The following ASCC1 variants were observed in gnomAD, a reference collection of about 807,000 sequenced individuals.
ASCC1 encodes the protein activating signal cointegrator 1 complex subunit 1.
In ASCC1, 35 loss-of-function variants were observed where a neutral mutation model predicts 46.6. The observed-to-expected ratio is 0.75, with a 90% confidence interval of 0.57 to 0.99. ASCC1 has a LOEUF of 0.99. ASCC1 is among the 50% of genes least tolerant of loss of function. The pLI is 0.00. For synonymous variants in ASCC1, 143 were observed against 146.6 expected (o/e 0.98, Z 0.18); for missense variants, 376 against 428.7 (o/e 0.88, Z 1.09).
At chr10:72,130,361 C>A (rs1845445369) in intron 8 of ASCC1, among the ~76,000 whole-genome samples, 1 of 151,974 alleles carries the variant, frequency 6.6e-6, no homozygotes, top group Admixed American at 6.6e-5. Context: ...ATATATATAT[C>A]AAGAGAGTAA....
chr10:72,111,465 T>G (rs369537454), intron 9 of ASCC1, among the ~76,000 whole-genome samples: 26 of 152,150 alleles, frequency 1.7e-4, no homozygotes, highest in African/African-American at 5.3e-4. Flanking sequence ...CAGCCTTGGG[T>G]GACAGAGCAA....
intron 9 of ASCC1, among the ~76,000 whole-genome samples, chr10:72,114,686 C>A (rs1589211555): frequency 6.7e-6 from 1 of 150,150 alleles, no homozygotes; most frequent in Non-Finnish European, 1.5e-5. Context: ...AACAGAAATT[C>A]AATAGGATTG....
intron 7 of ASCC1, among the ~76,000 whole-genome samples, chr10:72,141,453 GA>G (rs1847007599): frequency 6.6e-6 from 1 of 152,054 alleles, no homozygotes; most frequent in Admixed American, 6.6e-5. Flanking sequence ...CTGTAATCGG[GA>G]TCTTCATATA....
rs192271646 is a variant in ASCC1 at position 72,205,390 on chromosome 10, G to A, written c.213-1866C>T. Among the ~76,000 whole-genome samples, 442 of 152,248 alleles carry A rather than the reference G, an allele frequency of 2.9e-3. 3 individuals carry two copies. The highest frequency in any genetic ancestry group is 0.022 in the South Asian group (104 of 4,820). ...CACACCTGTAATCCCAGCACTTTGCGAGGCCGAGGTGGGGGGGATCACCTG... is the reference window on the plus strand; with the variant it reads ...CACACCTGTAATCCCAGCACTTTGCAAGGCCGAGGTGGGGGGGATCACCTG... On this transcript the variant is annotated intron_variant, in intron 3 of 9. Coordinates refer to ENST00000672957, the MANE Select transcript of ASCC1 (RefSeq NM_001198800.3).
intron 5 of ASCC1, among the ~76,000 whole-genome samples, chr10:72,182,297 CCACT>C (rs2133045455): frequency 6.6e-6 from 1 of 152,268 alleles, no homozygotes; most frequent in African/African-American, 2.4e-5. Context: ...CATCCTTGCC[CCACT>C]CAATCTGTCC....
chr10:72,146,995 T>C (rs1057165896), intron 7 of ASCC1, among the ~76,000 whole-genome samples: 4 of 151,710 alleles, frequency 2.6e-5, no homozygotes, highest in African/African-American at 9.7e-5. Context: ...TGTATCAATT[T>C]GCACTGTCTT....
chr10:72,189,349 A>C (rs1357202871), intron 5 of ASCC1, among the ~76,000 whole-genome samples: 1 of 152,032 alleles, frequency 6.6e-6, no homozygotes, highest in Non-Finnish European at 1.5e-5. Context: ...CAGAGCTTGC[A>C]GTAAGCAGAG....
intron 3 of ASCC1, among the ~76,000 whole-genome samples, chr10:72,207,815 AT>A (rs34399551): frequency 0.45 from 65,512 of 146,218 alleles, 14,946 homozygotes; most frequent in Non-Finnish European, 0.53. Flanking sequence ...AAATCTTAGT[AT>A]TTTTTTTTTT....
intron 3 of ASCC1, among the ~76,000 whole-genome samples, chr10:72,205,252 T>G (rs563057744): frequency 2.6e-5 from 4 of 152,160 alleles, no homozygotes; most frequent in South Asian, 2.1e-4. Flanking sequence ...GGCAAATCAC[T>G]TGAGGTCAGG....
At chr10:72,135,984 C>T (rs1014883927) in intron 7 of ASCC1, among the ~76,000 whole-genome samples, 1 of 152,118 alleles carries the variant, frequency 6.6e-6, no homozygotes, top group African/African-American at 2.4e-5. Flanking sequence ...ACTTGGTAAG[C>T]CATAGGAAAC....
intron 5 of ASCC1, among the ~76,000 whole-genome samples, chr10:72,173,753 A>G (rs528311858): frequency 7.0e-6 from 1 of 143,226 alleles, no homozygotes; most frequent in Non-Finnish European, 1.5e-5. Flanking sequence ...TGCTCGGAAT[A>G]TATCATCATA....
chr10:72,178,397 A>G (rs1469623538), intron 5 of ASCC1, among the ~76,000 whole-genome samples: 6 of 152,176 alleles, frequency 3.9e-5, no homozygotes, highest in Admixed American at 3.3e-4. Context: ...CAATGAGACT[A>G]ATCTATACCC....
At chr10:72,150,116 C>G (rs972735411) in intron 7 of ASCC1, among the ~76,000 whole-genome samples, 2 of 151,658 alleles carry the variant, frequency 1.3e-5, no homozygotes, top group East Asian at 1.9e-4. Context: ...ACCTGGGAAG[C>G]AGATGTTGCA....
At chr10:72,178,280 G>C (rs1257191102) in intron 5 of ASCC1, among the ~76,000 whole-genome samples, 1 of 152,126 alleles carries the variant, frequency 6.6e-6, no homozygotes, top group Admixed American at 6.6e-5. Context: ...CTTTTACCCT[G>C]GTATAATCCA....
intron 5 of ASCC1, among the ~76,000 whole-genome samples, chr10:72,175,327 C>T (rs1201975369): frequency 5.9e-5 from 9 of 152,186 alleles, no homozygotes; most frequent in Admixed American, 5.9e-4. Flanking sequence ...AAGCTTCCCC[C>T]TCTTCCTTTT....
chr10:72,134,499 G>A (rs1318717780), intron 7 of ASCC1: 2 of 152,292 alleles, frequency 1.3e-5, no homozygotes, highest in Admixed American at 6.5e-5. Flanking sequence ...CCAAGTAAGA[G>A]TCCAATCCTT....
At chr10:72,211,522 G>A (rs1858106423) in intron 2 of ASCC1, among the ~76,000 whole-genome samples, 1 of 152,106 alleles carries the variant, frequency 6.6e-6, no homozygotes, top group African/African-American at 2.4e-5. Flanking sequence ...CCCGGGAGGT[G>A]AGGCTGCAGT....
At position 72,131,395 on chromosome 10, in the gene ASCC1, T is replaced by C. The variant is rs11000180; in HGVS notation, c.871+1662A>G. Among the ~76,000 whole-genome samples, 1,114 of 150,932 alleles carry C rather than the reference T, an allele frequency of 7.4e-3. 10 individuals carry two copies. Among genetic ancestry groups the C allele is most frequent in the African/African-American group, 0.026 (1,057 of 40,932 alleles). On this transcript the variant is annotated intron_variant, in intron 8 of 9. Coordinates refer to ENST00000672957, the MANE Select transcript of ASCC1 (RefSeq NM_001198800.3). The stretch of plus-strand genomic sequence containing the variant: ...GATGGCGCCACTGCACACTCCGGCC[T>C]GGGCGACAGAGCAAGACTCCATTTC...
At chr10:72,216,778 C>T (rs1327234042), upstream of ASCC1, 1 of 455,738 alleles carries the variant, frequency 2.2e-6, no homozygotes, top group African/African-American at 2.0e-5. Context: ...CACAAAGCAT[C>T]GTTACTCTCC....
Sources: allele counts gnomAD v4.1 joint callset (sites outside exome capture counted in the v4.1 genomes callset), GRCh38; gene constraint gnomAD v4.1.1; transcripts MANE v1.5; gene names NCBI Gene and HGNC (gene_info 2026-07-23, HGNC 2026-07-21).